Variants in BNC2 observed in about 807,000 individuals in gnomAD.
BNC2 encodes zinc finger protein basonuclin-2.
In BNC2, 20 loss-of-function variants were observed where a neutral mutation model predicts 76.3. The ratio of observed to expected loss-of-function variants is 0.26; its 90% CI spans 0.18 to 0.38. BNC2 has a LOEUF of 0.38. BNC2 is among the 10% of genes least tolerant of loss of function. BNC2 has a pLI of 1.00. For missense variants in BNC2, 1,382 were observed against 1,399.8 expected (o/e 0.99, Z 0.20); for synonymous variants, 582 against 514.8 (o/e 1.13, Z -1.77).
intron 3 of BNC2, among the ~76,000 whole-genome samples, chr9:16,707,199 C>A (rs564267883): frequency 6.6e-6 from 1 of 151,038 alleles, no homozygotes; most frequent in African/African-American, 2.4e-5. Context: ...AAGACTCCGC[C>A]CCCCCGCCAA....
intron 3 of BNC2, among the ~76,000 whole-genome samples, chr9:16,634,114 G>A (rs1348053696): frequency 2.0e-5 from 3 of 152,066 alleles, no homozygotes; most frequent in South Asian, 4.1e-4. Flanking sequence ...TACTCATCCC[G>A]TGTTCTGACA....
intron 3 of BNC2, among the ~76,000 whole-genome samples, chr9:16,704,281 T>TC (rs1823596594): frequency 6.6e-6 from 1 of 152,034 alleles, no homozygotes; most frequent in Non-Finnish European, 1.5e-5. Flanking sequence ...CTAAAACAAC[T>TC]CCAACAGTGA....
intron 5 of BNC2, among the ~76,000 whole-genome samples, chr9:16,508,707 C>G (rs922249069): frequency 1.3e-5 from 2 of 152,178 alleles, no homozygotes; most frequent in Non-Finnish European, 2.9e-5. Flanking sequence ...TGCTAGCCCC[C>G]ACAAAGTTAA....
At chr9:16,561,341 G>A (rs1437088856) in intron 4 of BNC2, among the ~76,000 whole-genome samples, 7 of 152,036 alleles carry the variant, frequency 4.6e-5, no homozygotes, top group South Asian at 2.1e-4. Context: ...AGATAGAAAC[G>A]GGGAGGGATG....
At chr9:16,589,568 G>GT (rs950347310) in intron 3 of BNC2, among the ~76,000 whole-genome samples, 3 of 151,946 alleles carry the variant, frequency 2.0e-5, no homozygotes, top group African/African-American at 7.3e-5. Flanking sequence ...GAGTACGGTG[G>GT]TGCAATCTCA....
At chr9:16,746,603 G>C (rs1825014244) in intron 1 of BNC2, among the ~76,000 whole-genome samples, 1 of 151,268 alleles carries the variant, frequency 6.6e-6, no homozygotes, top group Admixed American at 6.6e-5. Flanking sequence ...GGCCTCAAAT[G>C]ATCTGCCCTC....
At chr9:16,434,952 C>T (rs1820975203) in intron 6 of BNC2, 1 of 470,480 alleles carries the variant, frequency 2.1e-6, no homozygotes, top group East Asian at 6.9e-5. Flanking sequence ...ATCCCATTTC[C>T]TTCTGATATT....
chr9:16,710,990 G>A (rs547575794), intron 3 of BNC2, among the ~76,000 whole-genome samples: 4 of 152,240 alleles, frequency 2.6e-5, no homozygotes, highest in East Asian at 1.9e-4. Context: ...AACTGTTCGC[G>A]TGTCATGTGT....
intron 1 of BNC2, among the ~76,000 whole-genome samples, chr9:16,754,287 G>A (rs1158107201): frequency 1.3e-5 from 2 of 152,070 alleles, no homozygotes; most frequent in Admixed American, 1.3e-4. Context: ...TTTCCTACTT[G>A]CCAAACCCCA....
intron 5 of BNC2, among the ~76,000 whole-genome samples, chr9:16,550,382 T>C (rs1430695513): frequency 6.6e-6 from 1 of 152,188 alleles, no homozygotes; most frequent in Non-Finnish European, 1.5e-5. Context: ...TACTGGGCCC[T>C]CCCATACAAA....
At chr9:16,452,565 A>G (rs1030207847) in intron 5 of BNC2, among the ~76,000 whole-genome samples, 4 of 152,108 alleles carry the variant, frequency 2.6e-5, no homozygotes, top group Non-Finnish European at 5.9e-5. Flanking sequence ...GCCTGCTGCC[A>G]TGCCCGGCTA....
At chr9:16,674,700 T>C (rs1408786760) in intron 3 of BNC2, among the ~76,000 whole-genome samples, 1 of 152,190 alleles carries the variant, frequency 6.6e-6, no homozygotes, top group Non-Finnish European at 1.5e-5. Context: ...ACCCTATCTA[T>C]TCAGCTCACT....
At chr9:16,531,993 T>C (rs778920567) in intron 5 of BNC2, among the ~76,000 whole-genome samples, 4 of 152,188 alleles carry the variant, frequency 2.6e-5, no homozygotes, top group Non-Finnish European at 4.4e-5. Context: ...ACTGTTCATT[T>C]CGTTATCTCA....
chr9:16,661,604 T>C (rs957621670), intron 3 of BNC2, among the ~76,000 whole-genome samples: 2 of 152,158 alleles, frequency 1.3e-5, no homozygotes, highest in East Asian at 3.9e-4. Context: ...AATATATTAA[T>C]ATTTCTATTG....
chr9:16,520,060 G>A (rs1044675631), intron 5 of BNC2, among the ~76,000 whole-genome samples: 1 of 152,146 alleles, frequency 6.6e-6, no homozygotes, highest in African/African-American at 2.4e-5. Context: ...GACACATTTT[G>A]GCTACCATAA....
intron 5 of BNC2, among the ~76,000 whole-genome samples, chr9:16,486,888 A>T (rs1011353523): frequency 2.0e-5 from 3 of 151,750 alleles, no homozygotes; most frequent in Non-Finnish European, 4.4e-5. Flanking sequence ...ACCATGCCTA[A>T]TTTTTTTTAT....
chr9:16,781,366 G>T (rs1217750391), intron 1 of BNC2, among the ~76,000 whole-genome samples: 1 of 151,984 alleles, frequency 6.6e-6, no homozygotes, highest in Non-Finnish European at 1.5e-5. Context: ...TTTTTAAGAT[G>T]GAGTCTCGCT....
intron 3 of BNC2, among the ~76,000 whole-genome samples, chr9:16,593,686 C>T (rs1819993313): frequency 6.6e-6 from 1 of 152,062 alleles, no homozygotes; most frequent in African/African-American, 2.4e-5. Flanking sequence ...AATTAAGATA[C>T]TCCATTTATT....
intron 6 of BNC2, chr9:16,431,470 G>C: frequency 2.1e-6 from 1 of 469,870 alleles, no homozygotes; most frequent in Non-Finnish European, 4.4e-6. Flanking sequence ...GTTCCAGGCC[G>C]GTTAGAATTT....
Sources: allele counts gnomAD v4.1 joint callset (sites outside exome capture counted in the v4.1 genomes callset), GRCh38; gene constraint gnomAD v4.1.1; transcripts MANE v1.5; gene names NCBI Gene and HGNC (gene_info 2026-07-23, HGNC 2026-07-21).